Variants in CALD1 observed in about 807,000 individuals in gnomAD.
The protein encoded by CALD1 is caldesmon.
CALD1 carries 33 observed loss-of-function variants against 99.9 expected under a neutral mutation model. That is an observed-to-expected ratio of 0.33 (90% CI 0.25 to 0.44). CALD1 has a LOEUF of 0.44. Ranked by LOEUF, CALD1 falls within the 20% of genes least tolerant of loss-of-function variation. CALD1 has a pLI of 1.00. For missense variants in CALD1, 861 were observed against 962.1 expected (o/e 0.89, Z 1.39); for synonymous variants, 310 against 325.0 (o/e 0.95, Z 0.50).
intron 4 of CALD1, 132 bp from the exon 5 acceptor site, chr7:134,932,856 T>A: frequency 1.8e-6 from 1 of 567,724 alleles, no homozygotes; most frequent in Non-Finnish European, 3.1e-6. Flanking sequence ...ACTAAAATGG[T>A]AACGTACTGG....
chr7:134,920,694 G>C, intron 3 of CALD1: 1 of 1,288,898 alleles, frequency 7.8e-7, no homozygotes, highest in Non-Finnish European at 1.0e-6. Flanking sequence ...AGCTGATCTT[G>C]GGGACCGGTC....
chr7:134,773,301 A>T (rs1265244476), intron 1 of CALD1, among the ~76,000 whole-genome samples: 2 of 141,680 alleles, frequency 1.4e-5, no homozygotes, highest in Non-Finnish European at 3.0e-5. Flanking sequence ...TCAGGACAAG[A>T]TCTACCTCTG....
chr7:134,819,249 C>T lies in CALD1; in HGVS notation c.-129-24635C>T, dbSNP rs1311909978. 2.6e-5 allele frequency among the ~76,000 whole-genome samples: 4 copies of T among 152,276 alleles called. No homozygotes were observed. The South Asian group carries it at 6.2e-4, about 24-fold the overall frequency. Reference sequence around the variant, plus strand: ...CTCTATTCCATGGCCTCTTGCTGACCTAACTCCTAGTCTTCCTTCACATCT... The same window carrying T: ...CTCTATTCCATGGCCTCTTGCTGACTTAACTCCTAGTCTTCCTTCACATCT... On this transcript the variant is annotated intron_variant, in intron 1 of 14. Transcript: ENST00000361675.
At chr7:134,919,769 C>T (rs561241023) in intron 3 of CALD1, among the ~76,000 whole-genome samples, 1 of 152,304 alleles carries the variant, frequency 6.6e-6, no homozygotes, top group South Asian at 2.1e-4. Context: ...ATGAACCCCA[C>T]AATGAAATAA....
At chr7:134,756,258 G>C (rs1796727226) in intron 1 of CALD1, among the ~76,000 whole-genome samples, 1 of 105,970 alleles carries the variant, frequency 9.4e-6, no homozygotes, top group African/African-American at 3.8e-5. Flanking sequence ...GGGAACGAGA[G>C]TGAGACTTTG....
intron 3 of CALD1, among the ~76,000 whole-genome samples, chr7:134,910,736 G>A (rs921500684): frequency 2.0e-5 from 3 of 152,142 alleles, no homozygotes; most frequent in Non-Finnish European, 4.4e-5. Flanking sequence ...TTTGACTTTA[G>A]CACCTGATCA....
intron 3 of CALD1, among the ~76,000 whole-genome samples, chr7:134,902,341 T>A (rs1363262580): frequency 6.6e-6 from 1 of 152,122 alleles, no homozygotes. Context: ...GTTCATACCA[T>A]GGAGAATATT....
upstream of CALD1, chr7:134,779,516 C>A (rs1193270273): frequency 2.5e-6 from 1 of 393,698 alleles, no homozygotes; most frequent in Non-Finnish European, 4.5e-6. Context: ...ATTAGAAAAA[C>A]GACAGGACAA....
intron 1 of CALD1, among the ~76,000 whole-genome samples, chr7:134,814,986 A>G (rs1433026348): frequency 6.6e-6 from 1 of 152,088 alleles, no homozygotes; most frequent in East Asian, 1.9e-4. Flanking sequence ...GTGGCTTCCT[A>G]GATTTTGGGA....
At chr7:134,759,924 G>GTTCTCA (rs1796761894) in intron 1 of CALD1, among the ~76,000 whole-genome samples, 1 of 152,226 alleles carries the variant, frequency 6.6e-6, no homozygotes, top group African/African-American at 2.4e-5. Flanking sequence ...TGGCAGGATG[G>GTTCTCA]TTCTCATTCT....
At chr7:134,784,902 GT>G (rs1797248416) in intron 1 of CALD1, among the ~76,000 whole-genome samples, 1 of 152,110 alleles carries the variant, frequency 6.6e-6, no homozygotes, top group African/African-American at 2.4e-5. Flanking sequence ...TTTCTTCTGT[GT>G]TTCCAGGTCC....
At chr7:134,914,439 G>C (rs1191239349) in intron 3 of CALD1, among the ~76,000 whole-genome samples, 1 of 152,172 alleles carries the variant, frequency 6.6e-6, no homozygotes, top group East Asian at 1.9e-4. Flanking sequence ...AGAGTGAAAT[G>C]AAACACCTGG....
chr7:134,746,895 A>C (rs2347722), intron 1 of CALD1, among the ~76,000 whole-genome samples: 102,394 of 152,118 alleles, frequency 0.67, 34,976 homozygotes, highest in East Asian at 0.89. Flanking sequence ...TATTTAGCTG[A>C]AACTATTTCT....
At chr7:134,718,025 T>C in the CALD1 span, among the ~76,000 whole-genome samples, 2 of 152,194 alleles carry the variant, frequency 1.3e-5, no homozygotes, top group East Asian at 3.8e-4. Flanking sequence ...GAAGGTAGAA[T>C]TTTCATTTGG....
intron 1 of CALD1, among the ~76,000 whole-genome samples, 170 bp downstream of exon 1, chr7:134,779,919 C>T (rs1160029125): frequency 6.6e-6 from 1 of 152,254 alleles, no homozygotes; most frequent in Admixed American, 6.5e-5. Flanking sequence ...CGGATATTCC[C>T]GGAAGGCAAA....
intron 3 of CALD1, among the ~76,000 whole-genome samples, chr7:134,878,694 T>A (rs1281663744): frequency 6.6e-6 from 1 of 151,864 alleles, no homozygotes; most frequent in Non-Finnish European, 1.5e-5. Context: ...GTGCAGTGGC[T>A]CACTCCTTTG....
Position 134,968,491 on chromosome 7 carries a change from T to C in CALD1, c.*146T>C, listed in dbSNP as rs1456713472. The C allele has an allele frequency of 1.2e-5, 9 of 739,354 alleles. No individual in the cohort carries two copies. The highest frequency in any genetic ancestry group is 1.0e-4 in the Admixed American group (5 of 49,820). 45.8% of individuals were successfully genotyped at this position (739,354 alleles called of 1,614,324 possible). On this transcript the variant is annotated 3_prime_UTR_variant, in exon 15 of 15. Transcript: ENST00000361675. ...AATATCCCAGTAAACCCATGTATAT[T>C]ATCACTATATTTAATAATCACAGTC...
intron 2 of CALD1, among the ~76,000 whole-genome samples, chr7:134,849,807 G>A (rs971832616): frequency 1.3e-5 from 2 of 152,070 alleles, no homozygotes; most frequent in Non-Finnish European, 2.9e-5. Flanking sequence ...AAGCCGCAGG[G>A]CCTCTCATGG....
chr7:134,720,173 T>C, the CALD1 span, among the ~76,000 whole-genome samples: 1 of 139,366 alleles, frequency 7.2e-6, no homozygotes, highest in African/African-American at 2.9e-5. Context: ...GGCACTCTGG[T>C]TAGCCCTCCT....
Sources: gnomAD v4.1 joint callset for allele counts (sites outside exome capture counted in the v4.1 genomes callset) on GRCh38, gnomAD v4.1.1 for gene constraint, MANE v1.5 for transcripts, NCBI Gene and HGNC (gene_info 2026-07-23, HGNC 2026-07-21) for gene names.